The following FAM227B variants were observed in gnomAD, a reference collection of about 807,000 sequenced individuals.
FAM227B encodes family with sequence similarity 227 member B, also known as protein FAM227B.
In FAM227B, 88 loss-of-function variants were observed where a neutral mutation model predicts 73.8. That is an observed-to-expected ratio of 1.19 (90% CI 1.00 to 1.42). The LOEUF (loss-of-function observed/expected upper bound fraction) is 1.42, where lower values mean the gene tolerates loss of function less well. Among genes scored for constraint, FAM227B ranks in the 40% most tolerant of loss-of-function variants. FAM227B has a pLI of 0.00. For synonymous variants in FAM227B, 210 were observed against 190.5 expected, an observed-to-expected ratio of 1.10 and a Z score of -0.84; for missense variants, 632 against 590.9, an observed-to-expected ratio of 1.07 and a Z score of -0.72.
intron 3 of FAM227B, among the ~76,000 whole-genome samples, chr15:49,600,190 A>G (rs2153302940): frequency 6.6e-6 from 1 of 152,146 alleles, no homozygotes; most frequent in East Asian, 1.9e-4. Context: ...AAAGATTTTG[A>G]CTTTAAAGCT....
intron 11 of FAM227B, among the ~76,000 whole-genome samples, chr15:49,458,422 T>C (rs1171203065): frequency 6.6e-6 from 1 of 152,116 alleles, no homozygotes; most frequent in East Asian, 1.9e-4. Context: ...TTCTAATTAA[T>C]TCTCATTTAA....
intron 14 of FAM227B, among the ~76,000 whole-genome samples, chr15:49,333,984 T>C (rs928404017): frequency 1.2e-4 from 19 of 152,320 alleles, no homozygotes; most frequent in African/African-American, 4.1e-4. Context: ...GGAAGGCTTA[T>C]AGGTTTATTT....
intron 13 of FAM227B, among the ~76,000 whole-genome samples, chr15:49,337,135 A>G (rs1447147828): frequency 2.0e-5 from 3 of 152,130 alleles, no homozygotes; most frequent in South Asian, 2.1e-4. Context: ...GCTATTGTGA[A>G]TAGTGCTGCA....
At chr15:49,577,358 C>A in intron 6 of FAM227B, 1 of 398,824 alleles carries the variant, frequency 2.5e-6, no homozygotes. Flanking sequence ...ATTAAGAACC[C>A]TAGCACATTC....
intron 11 of FAM227B, among the ~76,000 whole-genome samples, chr15:49,498,957 G>A (rs1016085472): frequency 6.6e-6 from 1 of 151,720 alleles, no homozygotes; most frequent in Non-Finnish European, 1.5e-5. Flanking sequence ...ACGAGGTCAG[G>A]AGATCGAGAC....
intron 11 of FAM227B, among the ~76,000 whole-genome samples, chr15:49,439,187 C>T (rs2051388755): frequency 6.6e-6 from 1 of 151,546 alleles, no homozygotes; most frequent in African/African-American, 2.4e-5. Flanking sequence ...CGGCAACTTC[C>T]TCTTTGCTAT....
At chr15:49,511,978 A>G (rs1208616118) in intron 10 of FAM227B, among the ~76,000 whole-genome samples, 2 of 152,018 alleles carry the variant, frequency 1.3e-5, no homozygotes, top group Non-Finnish European at 2.9e-5. Flanking sequence ...AGTGATCACA[A>G]TGCCTCTCCA....
chr15:49,571,661 C>T (rs887885977), intron 8 of FAM227B, among the ~76,000 whole-genome samples: 1 of 151,808 alleles, frequency 6.6e-6, no homozygotes, highest in Non-Finnish European at 1.5e-5. Flanking sequence ...GTTGTAAACG[C>T]GTAGATTCAT....
At chr15:49,459,725 C>T (rs1389037085) in intron 11 of FAM227B, among the ~76,000 whole-genome samples, 1 of 152,128 alleles carries the variant, frequency 6.6e-6, no homozygotes, top group Admixed American at 6.6e-5. Flanking sequence ...CAAAACCAGG[C>T]TATAGTTCAT....
At chr15:49,339,126 T>C (rs1440296804) in intron 13 of FAM227B, among the ~76,000 whole-genome samples, 2 of 152,228 alleles carry the variant, frequency 1.3e-5, no homozygotes, top group Non-Finnish European at 2.9e-5. Context: ...TGAAGCCTAC[T>C]TCTGTCAGTT....
chr15:49,539,011 T>C (rs1415113310), intron 10 of FAM227B, among the ~76,000 whole-genome samples: 1 of 152,184 alleles, frequency 6.6e-6, no homozygotes, highest in African/African-American at 2.4e-5. Context: ...TTTCCTTGTT[T>C]CTTTTTGCCT....
chr15:49,343,101 T>C (rs2040982504), intron 13 of FAM227B, among the ~76,000 whole-genome samples: 2 of 152,180 alleles, frequency 1.3e-5, no homozygotes, highest in South Asian at 4.1e-4. Flanking sequence ...ACTTTTTGAA[T>C]TATTCCTTCA....
intron 11 of FAM227B, among the ~76,000 whole-genome samples, chr15:49,411,428 C>A (rs1277021718): frequency 6.6e-6 from 1 of 151,914 alleles, no homozygotes; most frequent in Non-Finnish European, 1.5e-5. Context: ...AGAAAATGAA[C>A]AATGATATTT....
At chr15:49,592,832 C>A (rs1021801040) in intron 3 of FAM227B, among the ~76,000 whole-genome samples, 3 of 152,214 alleles carry the variant, frequency 2.0e-5, no homozygotes, top group African/African-American at 7.2e-5. Context: ...TGCTGAGCTG[C>A]AGTGGGCTCC....
intron 13 of FAM227B, among the ~76,000 whole-genome samples, chr15:49,351,618 A>G (rs914448851): frequency 6.6e-6 from 1 of 152,246 alleles, no homozygotes; most frequent in Non-Finnish European, 1.5e-5. Context: ...AAGCGGACCT[A>G]AAGACAAAGA....
intron 13 of FAM227B, among the ~76,000 whole-genome samples, chr15:49,339,557 T>C (rs1484615043): frequency 6.6e-6 from 1 of 152,164 alleles, no homozygotes; most frequent in Non-Finnish European, 1.5e-5. Flanking sequence ...GAGGTGTCTG[T>C]TGGCCCCTAC....
At chr15:49,440,499 T>A (rs900126620) in intron 11 of FAM227B, among the ~76,000 whole-genome samples, 3 of 151,788 alleles carry the variant, frequency 2.0e-5, no homozygotes, top group African/African-American at 7.2e-5. Context: ...AACTACTTAA[T>A]GTCCTATTTA....
At chr15:49,444,095 C>T (rs2051948000) in intron 11 of FAM227B, among the ~76,000 whole-genome samples, 1 of 151,522 alleles carries the variant, frequency 6.6e-6, no homozygotes, top group Non-Finnish European at 1.5e-5. Context: ...AAGGATCTTA[C>T]GGCAGTGTTG....
intron 9 of FAM227B, among the ~76,000 whole-genome samples, chr15:49,565,421 G>A (rs1368536266): frequency 6.7e-6 from 1 of 149,512 alleles, no homozygotes; most frequent in Non-Finnish European, 1.5e-5. Flanking sequence ...ACAAATATAA[G>A]GGACTACCAG....
Sources: allele counts gnomAD v4.1 joint callset (sites outside exome capture counted in the v4.1 genomes callset), GRCh38; gene constraint gnomAD v4.1.1; transcripts MANE v1.5; gene names NCBI Gene and HGNC (gene_info 2026-07-23, HGNC 2026-07-21).